The following CNGA1 variants were observed in gnomAD, a reference collection of about 807,000 sequenced individuals.
CNGA1 encodes the protein cyclic nucleotide-gated channel alpha-1.
Under a neutral mutation model 69.7 loss-of-function variants are expected in CNGA1, and 53 were observed. That is an observed-to-expected ratio of 0.76 (90% confidence interval 0.61 to 0.96). The LOEUF is 0.96. Among genes scored for constraint, CNGA1 ranks in the 40% least tolerant of loss-of-function variants. The pLI, the probability that CNGA1 is intolerant of heterozygous loss-of-function variation, is 0.00. For missense variants in CNGA1, 739 were observed against 811.2 expected (o/e 0.91, Z 1.08); for synonymous variants, 249 against 283.5 (o/e 0.88, Z 1.22).
chr4:47,979,543 G>T (rs1289232604), intron 3 of CNGA1, among the ~76,000 whole-genome samples: 3 of 152,038 alleles, frequency 2.0e-5, no homozygotes, highest in Non-Finnish European at 4.4e-5. Context: ...CTATTGATGG[G>T]GATATAGTAG....
chr4:47,959,564 G>A (rs1740298039), intron 3 of CNGA1, among the ~76,000 whole-genome samples: 1 of 152,060 alleles, frequency 6.6e-6, no homozygotes, highest in Non-Finnish European at 1.5e-5. Flanking sequence ...TAACTTTGGG[G>A]TAGGCAAAGT....
At chr4:48,011,380 C>T (rs140940064) in intron 1 of CNGA1, among the ~76,000 whole-genome samples, 4 of 145,670 alleles carry the variant, frequency 2.7e-5, no homozygotes, top group African/African-American at 7.7e-5. Flanking sequence ...CTTTTAAATA[C>T]ACACATGCAC....
At chr4:47,978,437 G>A (rs944352952) in intron 3 of CNGA1, among the ~76,000 whole-genome samples, 1 of 151,952 alleles carries the variant, frequency 6.6e-6, no homozygotes, top group Non-Finnish European at 1.5e-5. Flanking sequence ...TGTACTCTAT[G>A]TATTTAAATT....
At chr4:47,945,748 A>G (rs898764275) in intron 6 of CNGA1, among the ~76,000 whole-genome samples, 2 of 152,196 alleles carry the variant, frequency 1.3e-5, no homozygotes, top group African/African-American at 4.8e-5. Context: ...ATTGTATAAA[A>G]TCATGCATGG....
intron 2 of CNGA1, among the ~76,000 whole-genome samples, chr4:48,005,210 G>A (rs904097448): frequency 1.1e-4 from 17 of 151,864 alleles, no homozygotes; most frequent in African/African-American, 2.9e-4. Context: ...CTCCGCCTCC[G>A]AGGTTCAAGC....
In CNGA1 at chr4:47,976,190, CATATATATGTATAT is replaced by C. The variant is rs1741360506; in HGVS notation, c.-15+5189_-15+5202del. Among the ~76,000 whole-genome samples the C allele has an allele frequency of 9.6e-5, 3 of 31,218 alleles. No homozygotes were observed. In the Admixed American group the frequency reaches 1.2e-3, roughly 12 times the overall value. The allele number at this position is 31,218 out of a possible 152,430, so 20.5% of individuals were successfully genotyped here. ...ATATATACACATACATATATATATA[CATATATATGTATAT>C]ATATATATACACATACATATATATA... is the stretch of plus-strand genomic sequence containing the variant. On this transcript the variant is annotated intron_variant, in intron 3 of 10. Transcript: ENST00000514170.
At chr4:48,006,751 AGTT>A (rs1389364019) in intron 2 of CNGA1, among the ~76,000 whole-genome samples, 3 of 152,052 alleles carry the variant, frequency 2.0e-5, no homozygotes, top group Non-Finnish European at 4.4e-5. Flanking sequence ...CCTCCCCAGT[AGTT>A]GTGATTACAG....
rs1013121464 is a variant in CNGA1, at chr4:47,942,151, A to G, written c.438-3T>C. On this transcript the variant is annotated splice_polypyrimidine_tract_variant and splice_region_variant and intron_variant, in intron 8 of 10. Coordinates refer to ENST00000514170, the MANE Select transcript of CNGA1 (RefSeq NM_001379270.1). ...TAACCACAACTTCTTTCTTCTCCCTAGCGGCAATTAGAAATAAAGGGGATA... is the reference window on the plus strand; with the variant it reads ...TAACCACAACTTCTTTCTTCTCCCTGGCGGCAATTAGAAATAAAGGGGATA... The G allele has an allele frequency of 6.3e-7, 1 of 1,577,984 alleles. No homozygotes were observed. Among genetic ancestry groups the G allele is most frequent in the Non-Finnish European group, 8.7e-7 (1 of 1,147,208 alleles).
chr4:47,990,103 GT>G (rs1462347881), intron 2 of CNGA1, among the ~76,000 whole-genome samples: 1 of 152,116 alleles, frequency 6.6e-6, no homozygotes, highest in African/African-American at 2.4e-5. Flanking sequence ...GAAACTGATT[GT>G]AAAACATGGG....
At chr4:47,970,197 G>A (rs1356271774) in intron 3 of CNGA1, among the ~76,000 whole-genome samples, 3 of 152,192 alleles carry the variant, frequency 2.0e-5, no homozygotes, top group African/African-American at 7.2e-5. Context: ...GAGGAATTTA[G>A]TGTGGCCCTG....
chr4:47,991,300 C>T (rs1440912554), intron 2 of CNGA1, among the ~76,000 whole-genome samples: 2 of 152,188 alleles, frequency 1.3e-5, no homozygotes, highest in African/African-American at 4.8e-5. Context: ...TCCCTCTTCA[C>T]CGCATCCATG....
At chr4:47,948,185 C>CA (rs34818304) in intron 6 of CNGA1, among the ~76,000 whole-genome samples, 53,550 of 143,606 alleles carry the variant, frequency 0.37, 9,741 homozygotes, top group East Asian at 0.59. Context: ...CACTTTAAGG[C>CA]AAAAAAAAAA....
intron 2 of CNGA1, among the ~76,000 whole-genome samples, chr4:47,983,449 C>T (rs1475570075): frequency 6.6e-6 from 1 of 151,764 alleles, no homozygotes; most frequent in African/African-American, 2.4e-5. Context: ...ACTAGCTGGG[C>T]GTGGTGGTAC....
intron 2 of CNGA1, among the ~76,000 whole-genome samples, chr4:48,010,258 T>G (rs751958125): frequency 6.6e-6 from 1 of 152,224 alleles, no homozygotes; most frequent in Non-Finnish European, 1.5e-5. Context: ...AGACCAATTT[T>G]ATTTAGATAG....
rs762095051 is a variant in CNGA1 at position 47,937,551 on chromosome 4, C to G, written c.931G>C (p.Ala311Pro). The G allele has an allele frequency of 6.2e-6, 10 of 1,614,052 alleles. No individual in the cohort carries two copies. The highest frequency in any genetic ancestry group is 8.5e-6 in the Non-Finnish European group (10 of 1,180,042). ...MYIVIIIHWN[A>P]CVFYSISKAI... ...TTAGAAATAGAGTAGAACACACATG[C>G]ATTCCAGTGGATAATGATGACGATA... The change falls in exon 11 of 11, where the codon GCA becomes CCA. Residue 311 changes from alanine to proline, a missense_variant. Ala to Pro is a conservative substitution (Grantham distance 27). Transcript: ENST00000514170.
intron 2 of CNGA1, among the ~76,000 whole-genome samples, chr4:48,003,268 GC>G (rs1333759774): frequency 6.6e-6 from 1 of 152,198 alleles, no homozygotes; most frequent in Non-Finnish European, 1.5e-5. Context: ...ACAAATAGTT[GC>G]ATTATTTTGA....
At chr4:48,002,725 A>C (rs537973206) in intron 2 of CNGA1, among the ~76,000 whole-genome samples, 59 of 151,026 alleles carry the variant, frequency 3.9e-4, no homozygotes, top group African/African-American at 1.4e-3. Flanking sequence ...CTGAAAAGAT[A>C]TCTCAAAAGG....
At chr4:47,958,022 G>A (rs1041771847) in intron 3 of CNGA1, among the ~76,000 whole-genome samples, 5 of 151,312 alleles carry the variant, frequency 3.3e-5, no homozygotes, top group African/African-American at 1.2e-4. Context: ...AACCTCCCGA[G>A]TAGCTGGGAC....
chr4:47,985,645 T>TAC (rs910326446), intron 2 of CNGA1, among the ~76,000 whole-genome samples: 1 of 152,150 alleles, frequency 6.6e-6, no homozygotes, highest in African/African-American at 2.4e-5. Flanking sequence ...GAATCTCACA[T>TAC]ACACACACAC....
Sources: gnomAD v4.1 joint callset for allele counts (sites outside exome capture counted in the v4.1 genomes callset) on GRCh38, gnomAD v4.1.1 for gene constraint, MANE v1.5 for transcripts, NCBI Gene and HGNC (gene_info 2026-07-23, HGNC 2026-07-21) for gene names.